Variants in TMPRSS4 observed in about 807,000 individuals in gnomAD.
TMPRSS4 encodes transmembrane serine protease 4, also known as transmembrane protease serine 4.
A neutral mutation model predicts 56.4 loss-of-function variants in TMPRSS4; 45 were observed. The ratio of observed to expected loss-of-function variants is 0.80; its 90% confidence interval spans 0.63 to 1.02. TMPRSS4 has a LOEUF of 1.02. Ranked by LOEUF, TMPRSS4 falls within the 50% of genes least tolerant of loss-of-function variation. TMPRSS4 has a pLI of 0.00. For synonymous variants in TMPRSS4, 205 were observed against 211.0 expected (o/e 0.97, Z 0.25); for missense variants, 546 against 556.7 (o/e 0.98, Z 0.19).
At chr11:118,103,450 C>A (rs1352048248) in intron 4 of TMPRSS4, among the ~76,000 whole-genome samples, 197 bp downstream of exon 4, 1 of 152,152 alleles carries the variant, frequency 6.6e-6, no homozygotes, top group Non-Finnish European at 1.5e-5. Context: ...GTCTTGGTCT[C>A]GGCTCACTGC....
chr11:118,098,967 C>T lies in TMPRSS4; in HGVS notation c.44-18C>T. ...GCTGACTGCATGCTCTTCCCCTCTGCCTCCCATTTTCTTGCAGATGTCAAA... is the reference window on the plus strand; with the variant it reads ...GCTGACTGCATGCTCTTCCCCTCTGTCTCCCATTTTCTTGCAGATGTCAAA... On this transcript the variant is annotated intron_variant, in intron 2 of 12. Coordinates refer to ENST00000437212, the MANE Select transcript of TMPRSS4 (RefSeq NM_019894.4). 5 of 1,599,006 alleles carry T rather than the reference C, an allele frequency of 3.1e-6. No individual in the cohort carries two copies. The highest frequency in any genetic ancestry group is 4.3e-6 in the Non-Finnish European group (5 of 1,167,674).
intron 4 of TMPRSS4, 54 bp from the exon 5 acceptor site, chr11:118,104,637 G>T: frequency 6.2e-7 from 1 of 1,612,906 alleles, no homozygotes; most frequent in South Asian, 1.1e-5. Context: ...GTTCTGAGGG[G>T]GATGGGCCAG....
chr11:118,104,414 G>C (rs1417969957), intron 4 of TMPRSS4, among the ~76,000 whole-genome samples: 2 of 151,994 alleles, frequency 1.3e-5, no homozygotes, highest in East Asian at 1.9e-4. Context: ...ACTGATACCT[G>C]TAAGAGCAAA....
chr11:118,112,714 T>C (rs751577694), intron 8 of TMPRSS4, among the ~76,000 whole-genome samples: 15 of 152,014 alleles, frequency 9.9e-5, no homozygotes, highest in Non-Finnish European at 1.5e-4. Context: ...ATTCATTCAA[T>C]ATCTAATGAG....
At chr11:118,080,456 T>G (rs1945036755) in intron 1 of TMPRSS4, among the ~76,000 whole-genome samples, 2 of 152,120 alleles carry the variant, frequency 1.3e-5, no homozygotes, top group African/African-American at 2.4e-5. Flanking sequence ...CCTGTCCATC[T>G]CCCAGGGCGC....
At chr11:118,088,049 A>T (rs1264252042) in intron 1 of TMPRSS4, among the ~76,000 whole-genome samples, 2 of 152,222 alleles carry the variant, frequency 1.3e-5, no homozygotes, top group Non-Finnish European at 2.9e-5. Context: ...TGATGACTGC[A>T]TGCTGGTTAT....
chr11:118,111,874 G>A lies in TMPRSS4; in HGVS notation c.717G>A (p.Trp239Ter). 6.2e-7 allele frequency: 1 copy of A among 1,609,122 alleles called. No homozygotes were observed. Among genetic ancestry groups the A allele is most frequent in the Non-Finnish European group, 8.5e-7 (1 of 1,177,932 alleles). Residue 239 changes from tryptophan (W) to a stop codon, truncating the protein, a stop_gained, in exon 8 of 13, where the codon TGG (tryptophan) becomes TGA (stop). Coordinates refer to ENST00000437212, the MANE Select transcript of TMPRSS4 (RefSeq NM_019894.4). LOFTEE classifies it high-confidence loss of function. The part of the protein sequence containing the change: ...VCGGSILDPH[W>*]VLTAAHCFRK... ...GAGGGAGCATCCTGGACCCCCACTG[G>A]GTCCTCACGGCAGCCCACTGCTTCA...
At position 118,111,731 on chromosome 11, in the gene TMPRSS4, C is replaced by T. The variant is rs1293740612; in HGVS notation, c.584-10C>T. ...CTTCCTGCCTCCTCCCTGCCTCTGC[C>T]TGTGTCCAGCCTGTGGGAAGAGCCT... On this transcript the variant is annotated splice_polypyrimidine_tract_variant and intron_variant, in intron 7 of 12. Transcript: ENST00000437212. 1.3e-6 allele frequency: 2 copies of T among 1,554,370 alleles called. No individual in the cohort carries two copies. Among genetic ancestry groups the T allele is most frequent in the Non-Finnish European group, 8.7e-7 (1 of 1,155,096 alleles).
chr11:118,107,731 C>T (rs766638776), intron 5 of TMPRSS4, 43 bp from the exon 6 acceptor site: 1 of 1,573,466 alleles, frequency 6.4e-7, no homozygotes, highest in Non-Finnish European at 8.7e-7. Context: ...GTTCTAACCC[C>T]CTGCCCCAGC....
downstream of TMPRSS4, among the ~76,000 whole-genome samples, chr11:118,123,295 T>G (rs547732371): frequency 4.6e-5 from 7 of 152,324 alleles, no homozygotes; most frequent in African/African-American, 1.7e-4. Context: ...GAATATGAAG[T>G]ACACCTTCAT....
chr11:118,113,245 G>C, intron 8 of TMPRSS4, 24 bp from the exon 9 acceptor site: 1 of 1,610,184 alleles, frequency 6.2e-7, no homozygotes, highest in Non-Finnish European at 8.5e-7. Flanking sequence ...GATCAGGCCT[G>C]AACCCAGCTG....
chr11:118,088,396 T>TG (rs34997988), intron 1 of TMPRSS4: 73,454 of 152,110 alleles, frequency 0.48, 18,045 homozygotes, highest in East Asian at 0.76. Flanking sequence ...AATGTCTTCC[T>TG]CTGCCGGTGA....
At chr11:118,096,679 G>A (rs1008991562) in intron 2 of TMPRSS4, among the ~76,000 whole-genome samples, 3 of 151,690 alleles carry the variant, frequency 2.0e-5, no homozygotes, top group African/African-American at 7.3e-5. Flanking sequence ...CCAGCTACTT[G>A]GGAGGATAAG....
intron 9 of TMPRSS4, among the ~76,000 whole-genome samples, chr11:118,114,098 C>A (rs757561598): frequency 2.0e-5 from 3 of 152,180 alleles, no homozygotes; most frequent in African/African-American, 4.8e-5. Flanking sequence ...GTTTAACCTA[C>A]ATTTTTTAAA....
intron 1 of TMPRSS4, among the ~76,000 whole-genome samples, chr11:118,077,779 A>G (rs1020688839): frequency 2.0e-5 from 3 of 152,142 alleles, no homozygotes; most frequent in Admixed American, 6.6e-5. Flanking sequence ...TGCGAGGCTG[A>G]GGCAGACAGA....
At chr11:118,108,249 ACCCAGCCAGAGCTC>A (rs1175687461) in intron 6 of TMPRSS4, 1 of 189,764 alleles carries the variant, frequency 5.3e-6, no homozygotes, top group Non-Finnish European at 1.1e-5. Flanking sequence ...CCTACCACTT[ACCCAGCCAGAGCTC>A]CCCACCTTCT....
intron 7 of TMPRSS4, among the ~76,000 whole-genome samples, chr11:118,110,851 C>T (rs747229296): frequency 2.0e-5 from 3 of 152,160 alleles, no homozygotes; most frequent in Admixed American, 1.3e-4. Flanking sequence ...TAACAGGCCA[C>T]GAACCAGTGG....
At chr11:118,104,144 A>C (rs1403914085) in intron 4 of TMPRSS4, among the ~76,000 whole-genome samples, 1 of 152,206 alleles carries the variant, frequency 6.6e-6, no homozygotes, top group Non-Finnish European at 1.5e-5. Flanking sequence ...TTCTGAGGGC[A>C]GGGCTGAGTG....
At chr11:118,111,628 C>A in intron 7 of TMPRSS4, 113 bp from the exon 8 acceptor site, 1 of 793,102 alleles carries the variant, frequency 1.3e-6, no homozygotes, top group Non-Finnish European at 1.9e-6. Flanking sequence ...TCTCTCCACT[C>A]TGGCCCCAGC....
Sources: allele counts gnomAD v4.1 joint callset (sites outside exome capture counted in the v4.1 genomes callset), GRCh38; gene constraint gnomAD v4.1.1; transcripts MANE v1.5; gene names NCBI Gene and HGNC (gene_info 2026-07-23, HGNC 2026-07-21).